OPCML: variants seen among roughly 807,000 people sequenced by gnomAD.
OPCML encodes opioid-binding protein/cell adhesion molecule.
OPCML carries 13 observed loss-of-function variants against 37.8 expected under a neutral mutation model. The observed-to-expected ratio is 0.34, with a 90% CI of 0.22 to 0.55. The LOEUF is 0.55. Among genes scored for constraint, OPCML ranks in the 20% least tolerant of loss-of-function variants. The pLI, the probability that OPCML is intolerant of heterozygous loss-of-function variation, is 0.91. For missense variants in OPCML, 341 were observed against 435.6 expected (o/e 0.78, Z 1.93); for synonymous variants, 176 against 168.8 (o/e 1.04, Z -0.33).
chr11:133,307,809 A>G (rs1308971265), intron 1 of OPCML, among the ~76,000 whole-genome samples: 4 of 152,126 alleles, frequency 2.6e-5, no homozygotes, highest in African/African-American at 9.7e-5. Flanking sequence ...TCCATGGTAG[A>G]CAAGCAACCA....
At chr11:133,394,172 G>T (rs998058011) in intron 1 of OPCML, among the ~76,000 whole-genome samples, 2 of 152,262 alleles carry the variant, frequency 1.3e-5, no homozygotes, top group South Asian at 2.1e-4. Flanking sequence ...TTCTGGTCTC[G>T]CAGGCTCATA....
At chr11:132,624,625 C>T (rs1187564700) in intron 3 of OPCML, among the ~76,000 whole-genome samples, 6 of 151,806 alleles carry the variant, frequency 4.0e-5, no homozygotes, top group Non-Finnish European at 7.4e-5. Flanking sequence ...TCCAAGTTTC[C>T]AGTCATAACT....
chr11:133,283,819 A>G (rs1350035380), intron 1 of OPCML, among the ~76,000 whole-genome samples: 1 of 152,150 alleles, frequency 6.6e-6, no homozygotes, highest in Admixed American at 6.5e-5. Context: ...CATGCCTTAG[A>G]AAACCCACTT....
chr11:133,188,028 C>A (rs1384954858), intron 1 of OPCML, among the ~76,000 whole-genome samples: 2 of 152,182 alleles, frequency 1.3e-5, no homozygotes, highest in Non-Finnish European at 2.9e-5. Context: ...GGTTTTGAAG[C>A]CTTCTGTCCA....
intron 2 of OPCML, among the ~76,000 whole-genome samples, chr11:132,858,002 C>T (rs574767678): frequency 9.9e-5 from 15 of 152,174 alleles, no homozygotes; most frequent in African/African-American, 3.4e-4. Context: ...CCTTAGGAAG[C>T]CGGTGGGTTA....
intron 1 of OPCML, among the ~76,000 whole-genome samples, chr11:133,288,111 T>G (rs191371408): frequency 1.5e-4 from 23 of 152,340 alleles, no homozygotes; most frequent in Admixed American, 1.2e-3. Flanking sequence ...GCACTGCAGC[T>G]TCCTGCGGTG....
intron 3 of OPCML, among the ~76,000 whole-genome samples, chr11:132,561,072 C>T (rs994128059): frequency 1.3e-5 from 2 of 152,176 alleles, no homozygotes; most frequent in Admixed American, 6.5e-5. Flanking sequence ...AAATCTGAAA[C>T]TTGGAAGTCA....
intron 1 of OPCML, among the ~76,000 whole-genome samples, chr11:133,045,600 C>T (rs1031186140): frequency 1.3e-5 from 2 of 152,204 alleles, no homozygotes; most frequent in Non-Finnish European, 2.9e-5. Context: ...GACACCGCCT[C>T]CCCGCTGGAA....
rs537333049 is a variant in OPCML at position 132,540,048 on chromosome 11, T to C, written c.380-10862A>G. 2.6e-5 allele frequency among the ~76,000 whole-genome samples: 4 copies of C among 152,230 alleles called. No individual in the cohort carries two copies. In the East Asian group the frequency reaches 7.7e-4, roughly 29 times the overall value. ...TCACTCCTGGCTGCAGTGTGGAGAA[T>C]AGACTGAAGTTGAGCAAGTGAAAAT... On this transcript the variant is annotated intron_variant, in intron 3 of 7. Transcript: ENST00000524381.
chr11:133,426,136 T>G (rs77209180), intron 1 of OPCML, among the ~76,000 whole-genome samples: 9,829 of 152,208 alleles, frequency 0.065, 899 homozygotes, highest in African/African-American at 0.2. Flanking sequence ...TGCTTACTTC[T>G]TGCTCCACTC....
At chr11:133,263,568 A>G (rs1423743772) in intron 1 of OPCML, among the ~76,000 whole-genome samples, 1 of 152,104 alleles carries the variant, frequency 6.6e-6, no homozygotes, top group Non-Finnish European at 1.5e-5. Context: ...AAATTGTCCA[A>G]CAGTGCATTT....
chr11:132,895,307 G>T (rs1352399519), intron 2 of OPCML, among the ~76,000 whole-genome samples: 1 of 152,184 alleles, frequency 6.6e-6, no homozygotes, highest in Non-Finnish European at 1.5e-5. Context: ...GACTTTGGTT[G>T]GTTGCTCCTA....
intron 2 of OPCML, among the ~76,000 whole-genome samples, chr11:132,778,067 A>C (rs1381333076): frequency 6.6e-6 from 1 of 152,190 alleles, no homozygotes; most frequent in East Asian, 1.9e-4. Context: ...GCTGACCAGC[A>C]GTAACTTAGG....
At chr11:132,942,417 G>A (rs1945608691) in intron 2 of OPCML, among the ~76,000 whole-genome samples, 1 of 152,286 alleles carries the variant, frequency 6.6e-6, no homozygotes, top group South Asian at 2.1e-4. Flanking sequence ...ACCAGGTTTG[G>A]CACGAGTGCT....
intron 2 of OPCML, among the ~76,000 whole-genome samples, chr11:132,734,673 C>G (rs1219394179): frequency 3.9e-5 from 6 of 152,164 alleles, no homozygotes; most frequent in Non-Finnish European, 8.8e-5. Context: ...TGGTTTTAAT[C>G]CACTATGGAT....
At chr11:133,468,741 A>G (rs1947032463) in intron 1 of OPCML, among the ~76,000 whole-genome samples, 1 of 152,148 alleles carries the variant, frequency 6.6e-6, no homozygotes, top group African/African-American at 2.4e-5. Context: ...AGCTCACTTC[A>G]CAAACACTCT....
chr11:133,024,694 G>C (rs921866004), intron 1 of OPCML: 6 of 833,364 alleles, frequency 7.2e-6, no homozygotes, highest in Non-Finnish European at 8.7e-6. Context: ...AGTGGTGGGG[G>C]ATGGGGAGGT....
chr11:132,604,448 C>T (rs892712713), intron 3 of OPCML, among the ~76,000 whole-genome samples: 1 of 152,118 alleles, frequency 6.6e-6, no homozygotes, highest in Admixed American at 6.6e-5. Flanking sequence ...TCATTTCCTT[C>T]ATTCCTGAAG....
chr11:133,081,612 T>G (rs1463649592), intron 1 of OPCML, among the ~76,000 whole-genome samples: 1 of 152,168 alleles, frequency 6.6e-6, no homozygotes, highest in Admixed American at 6.5e-5. Context: ...TATCACATTC[T>G]CCCTTTGGAT....
Sources: gnomAD v4.1 joint callset for allele counts (sites outside exome capture counted in the v4.1 genomes callset) on GRCh38, gnomAD v4.1.1 for gene constraint, MANE v1.5 for transcripts, NCBI Gene and HGNC (gene_info 2026-07-23, HGNC 2026-07-21) for gene names.